The following FBXO28 variants were observed in gnomAD, a reference collection of about 807,000 sequenced individuals.
FBXO28 encodes the protein F-box protein 28.
In FBXO28, 8 loss-of-function variants were observed where a neutral mutation model predicts 38.1. That is an observed-to-expected ratio of 0.21 (90% CI 0.12 to 0.38). The LOEUF is 0.38. Ranked by LOEUF, FBXO28 falls within the 10% of genes least tolerant of loss-of-function variation. The probability of loss-of-function intolerance (pLI) is 1.00; values close to 1 mark genes in which losing one functional copy is unlikely to be tolerated. For missense variants in FBXO28, 345 were observed against 460.6 expected, an observed-to-expected ratio of 0.75 and a Z score of 2.30; for synonymous variants, 168 against 173.8, an observed-to-expected ratio of 0.97 and a Z score of 0.26.
intron 3 of FBXO28, among the ~76,000 whole-genome samples, chr1:224,146,591 G>A (rs550851921): frequency 2.0e-5 from 3 of 151,926 alleles, no homozygotes; most frequent in Non-Finnish European, 4.4e-5. Context: ...TGTAGAGACT[G>A]TTTCTAGCTA....
At chr1:224,119,562 A>C (rs981777014) in intron 1 of FBXO28, among the ~76,000 whole-genome samples, 1 of 152,138 alleles carries the variant, frequency 6.6e-6, no homozygotes. Flanking sequence ...AGTTCTCACA[A>C]AGTAAAGAGG....
Position 224,157,660 on chromosome 1 carries a change from A to G in FBXO28, c.1021A>G (p.Asn341Asp), listed in dbSNP as rs1268068949. 1.2e-6 allele frequency: 2 copies of G among 1,614,256 alleles called. No homozygotes were observed. Among genetic ancestry groups the G allele is most frequent in the African/African-American group, 1.3e-5 (1 of 75,070 alleles). The change falls in exon 5 of 5, where the codon AAT (asparagine) becomes GAT (aspartate). Residue 341 changes from asparagine (N) to aspartate (D), a missense_variant. Asn to Asp is a conservative substitution (Grantham distance 23, BLOSUM62 1). Transcript: ENST00000366862. ...AVGNSSGSGQ[N>D]EESPRKRKKA... ...AGGAAATTCCTCAGGGTCCGGGCAGAATGAGGAGTCTCCTCGGAAACGAAA... is the reference window on the plus strand; with the variant it reads ...AGGAAATTCCTCAGGGTCCGGGCAGGATGAGGAGTCTCCTCGGAAACGAAA...
intron 3 of FBXO28, among the ~76,000 whole-genome samples, chr1:224,150,055 G>T (rs1468420270): frequency 1.3e-5 from 2 of 150,764 alleles, no homozygotes; most frequent in African/African-American, 2.4e-5. Flanking sequence ...CAGGTGCAGT[G>T]GCTTATGCCT....
intron 1 of FBXO28, among the ~76,000 whole-genome samples, chr1:224,123,950 A>C (rs1004539392): frequency 6.6e-6 from 1 of 152,004 alleles, no homozygotes; most frequent in Non-Finnish European, 1.5e-5. Flanking sequence ...CTCTACTAAA[A>C]ACACAAAAAA....
chr1:224,128,564 G>C (rs1656959235), intron 1 of FBXO28, among the ~76,000 whole-genome samples: 1 of 152,080 alleles, frequency 6.6e-6, no homozygotes, highest in East Asian at 1.9e-4. Context: ...CTATGGGTTA[G>C]GTATTATCCA....
At chr1:224,155,305 A>G (rs976032539) in intron 4 of FBXO28, among the ~76,000 whole-genome samples, 2 of 151,928 alleles carry the variant, frequency 1.3e-5, no homozygotes, top group Non-Finnish European at 2.9e-5. Context: ...AGCTGGGATT[A>G]CAGGCGTGTG....
intron 4 of FBXO28, 76 bp from the exon 5 acceptor site, chr1:224,157,276 A>G (rs1657794847): frequency 6.7e-7 from 1 of 1,490,682 alleles, no homozygotes; most frequent in Admixed American, 2.3e-5. Context: ...AGGGTATTCC[A>G]TTTTTAAATA....
Position 224,160,622 on chromosome 1 carries a change from A to G in FBXO28, c.*2876A>G, listed in dbSNP as rs1346096759. On this transcript the variant is annotated 3_prime_UTR_variant, in exon 5 of 5. Coordinates refer to ENST00000366862, the MANE Select transcript of FBXO28 (RefSeq NM_015176.4). ...TTCAAACTCCTGTACAGAGCCTGGA[A>G]ATAATGGAGCAAACGCAAATGTATT... 1 of 152,210 alleles carries G rather than the reference A, an allele frequency of 6.6e-6. No homozygotes were observed. Among genetic ancestry groups the G allele is most frequent in the Non-Finnish European group, 1.5e-5 (1 of 68,040 alleles). The allele number at this position is 152,210 out of a possible 1,614,324, so 9.4% of individuals were successfully genotyped here.
chr1:224,126,758 C>T (rs1350931799), intron 1 of FBXO28, among the ~76,000 whole-genome samples: 1 of 152,068 alleles, frequency 6.6e-6, no homozygotes, highest in Non-Finnish European at 1.5e-5. Flanking sequence ...GGCAGTGAGC[C>T]GAGATCACGC....
intron 1 of FBXO28, among the ~76,000 whole-genome samples, chr1:224,116,922 G>A (rs1050587298): frequency 1.3e-5 from 2 of 152,056 alleles, no homozygotes; most frequent in Non-Finnish European, 2.9e-5. Flanking sequence ...CACCTGTAAT[G>A]CCACCACTTT....
intron 1 of FBXO28, among the ~76,000 whole-genome samples, chr1:224,129,111 C>T (rs10753454): frequency 0.5 from 76,388 of 151,918 alleles, 20,466 homozygotes; most frequent in South Asian, 0.6. Flanking sequence ...GAGGCCAAGG[C>T]GGATGGATTA....
In FBXO28 at chr1:224,115,819, A is replaced by G. The variant is rs73124418; in HGVS notation, c.267+1423A>G. ...TTGAATTGAACCATTCAACCAGACAATGGCTTTGTAAATCTTGGAATATTC... is the reference window on the plus strand; with the variant it reads ...TTGAATTGAACCATTCAACCAGACAGTGGCTTTGTAAATCTTGGAATATTC... On this transcript the variant is annotated intron_variant, in intron 1 of 4. Coordinates refer to ENST00000366862, the MANE Select transcript of FBXO28 (RefSeq NM_015176.4). 7.0e-3 allele frequency among the ~76,000 whole-genome samples: 1,065 copies of G among 152,312 alleles called. 13 individuals carry two copies. Among genetic ancestry groups the G allele is most frequent in the African/African-American group, 0.024 (1,006 of 41,570 alleles).
At position 224,154,095 on chromosome 1, in the gene FBXO28, C is replaced by A. The variant is rs149745545; in HGVS notation, c.712+758C>A. 1.1e-3 allele frequency among the ~76,000 whole-genome samples: 170 copies of A among 152,254 alleles called. 1 individual carries two copies. Among genetic ancestry groups the A allele is most frequent in the Admixed American group, 7.7e-3 (117 of 15,282 alleles). ...TGGGGTTACATCCTGATAAACCCAT[C>A]ATAAGTAGAAAATATTGTAAGTCAA... On this transcript the variant is annotated intron_variant, in intron 4 of 4. Transcript: ENST00000366862.
intron 3 of FBXO28, among the ~76,000 whole-genome samples, chr1:224,150,271 C>G (rs1202289183): frequency 1.3e-5 from 2 of 152,142 alleles, no homozygotes; most frequent in African/African-American, 4.8e-5. Flanking sequence ...TTACAGTGAA[C>G]CAATACCATG....
chr1:224,131,647 A>C (rs760861187), intron 2 of FBXO28, among the ~76,000 whole-genome samples: 5 of 152,318 alleles, frequency 3.3e-5, no homozygotes, highest in Non-Finnish European at 5.9e-5. Context: ...CCTCTTCCTC[A>C]TACTGTATAT....
intron 3 of FBXO28, among the ~76,000 whole-genome samples, chr1:224,150,254 G>A (rs1298691069): frequency 6.6e-6 from 1 of 152,080 alleles, no homozygotes; most frequent in Admixed American, 6.6e-5. Flanking sequence ...AACCCAGGAG[G>A]TGGAGGTTAC....
chr1:224,153,098 A>T, intron 3 of FBXO28, 44 bp from the exon 4 acceptor site: 1 of 1,522,860 alleles, frequency 6.6e-7, no homozygotes, highest in East Asian at 2.3e-5. Flanking sequence ...TTTCTTTATT[A>T]AAAAAGAAAA....
intron 3 of FBXO28, among the ~76,000 whole-genome samples, chr1:224,135,038 T>C (rs1362364691): frequency 6.6e-6 from 1 of 152,248 alleles, no homozygotes; most frequent in African/African-American, 2.4e-5. Flanking sequence ...TGACATTTAT[T>C]TTTGGGGGGA....
intron 4 of FBXO28, 114 bp downstream of exon 4, chr1:224,153,451 T>G (rs181490804): frequency 8.8e-6 from 6 of 684,050 alleles, no homozygotes; most frequent in East Asian, 8.2e-5. Context: ...ATTGGCAGCA[T>G]CATTTTTAAT....
Sources: gnomAD v4.1 joint callset for allele counts (sites outside exome capture counted in the v4.1 genomes callset) on GRCh38, gnomAD v4.1.1 for gene constraint, MANE v1.5 for transcripts, NCBI Gene and HGNC (gene_info 2026-07-23, HGNC 2026-07-21) for gene names.